Variants in WDR49 observed in about 807,000 individuals in gnomAD.
WDR49 encodes the protein cilia- and flagella-associated protein 337.
A neutral mutation model predicts 119.5 loss-of-function variants in WDR49; 107 were observed. The observed-to-expected ratio is 0.90, with a 90% CI of 0.77 to 1.05. The LOEUF (loss-of-function observed/expected upper bound fraction) is 1.05, where lower values mean the gene tolerates loss of function less well. Ranked by LOEUF, WDR49 falls within the 50% of genes least tolerant of loss-of-function variation. The probability of loss-of-function intolerance (pLI) is 0.00; values close to 1 mark genes in which losing one functional copy is unlikely to be tolerated. For missense variants in WDR49, 1,240 were observed against 1,220.5 expected (o/e 1.02, Z -0.24); for synonymous variants, 425 against 418.8 (o/e 1.01, Z -0.18).
At chr3:167,646,119 G>T (rs1718116552) in intron 2 of WDR49, among the ~76,000 whole-genome samples, 1 of 152,078 alleles carries the variant, frequency 6.6e-6, no homozygotes, top group Non-Finnish European at 1.5e-5. Context: ...GAAACTCTTT[G>T]GGTAATGGCC....
In WDR49 at chr3:167,536,937, T is replaced by G; in HGVS notation, c.1887A>C (p.Lys629Asn). The change falls in exon 11 of 19, where the codon AAA (lysine) becomes AAC (asparagine). Residue 629 changes from lysine to asparagine, a missense_variant. Lys to Asn is a moderately conservative substitution (Grantham distance 94, BLOSUM62 0). Coordinates refer to ENST00000682715, the MANE Select transcript of WDR49 (RefSeq NM_001366157.1). ...TGTCATCATGGTGCTGTATACCTCC[T>G]TTCCATTCTTCAGGCTGGATGAAAA... Reference protein sequence around the residue: ...NQFFIQPEEWKGGIQHHDDIL... With the variant: ...NQFFIQPEEWNGGIQHHDDIL... 6.3e-7 allele frequency: 1 copy of G among 1,590,620 alleles called. No individual in the cohort carries two copies. Among genetic ancestry groups the G allele is most frequent in the South Asian group, 1.1e-5 (1 of 86,966 alleles).
At chr3:167,645,235 G>A (rs1488356423) in intron 2 of WDR49, among the ~76,000 whole-genome samples, 1 of 151,822 alleles carries the variant, frequency 6.6e-6, no homozygotes, top group Non-Finnish European at 1.5e-5. Flanking sequence ...TTTTGAGATT[G>A]AGTTTCGCTC....
At chr3:167,488,385 A>G (rs536057301) in intron 18 of WDR49, among the ~76,000 whole-genome samples, 2 of 152,126 alleles carry the variant, frequency 1.3e-5, no homozygotes, top group African/African-American at 2.4e-5. Context: ...GTCACTATGG[A>G]CTACTAGAAC....
chr3:167,478,794 A>G lies in WDR49; in HGVS notation c.*84T>C. ...AAACTTCCTGAAGTTTAAATATAAA[A>G]TAAAATAAAAGGCAGAATTCTTGAT... On this transcript the variant is annotated 3_prime_UTR_variant, in exon 19 of 19. Transcript: ENST00000682715. 1 of 959,188 alleles carries G rather than the reference A, an allele frequency of 1.0e-6. No individual in the cohort carries two copies. The highest frequency in any genetic ancestry group is 2.6e-5 in the East Asian group (1 of 38,242). The allele number at this position is 959,188 out of a possible 1,614,324, so 59.4% of individuals were successfully genotyped here.
chr3:167,622,933 A>G (rs577144289), intron 3 of WDR49, among the ~76,000 whole-genome samples: 8 of 152,250 alleles, frequency 5.3e-5, no homozygotes, highest in Admixed American at 5.2e-4. Flanking sequence ...TGGGAAATTC[A>G]CAGCTACATG....
Position 167,522,406 on chromosome 3 carries a change from C to G in WDR49, c.2683G>C (p.Glu895Gln). The change falls in exon 16 of 19, where the codon GAA (glutamate) becomes CAA (glutamine). Residue 895 changes from glutamate (E) to glutamine (Q), a missense_variant. Transcript: ENST00000682715. ...TCCTCCTTAGAAAATAAAGAAATTT[C>G]CTTTTGAATCTCACTTTCCACTAAA... is the stretch of plus-strand genomic sequence containing the variant. ...TNLVESEIQK[E>Q]ISLFSKEESC... The G allele has an allele frequency of 6.2e-7, 1 of 1,611,178 alleles. No individual in the cohort carries two copies. Among genetic ancestry groups the G allele is most frequent in the Admixed American group, 1.7e-5 (1 of 59,416 alleles).
At chr3:167,554,958 T>G (rs1359656674) in intron 9 of WDR49, among the ~76,000 whole-genome samples, 160 bp from the exon 10 acceptor site, 1 of 152,214 alleles carries the variant, frequency 6.6e-6, no homozygotes, top group African/African-American at 2.4e-5. Context: ...AATATCTAGT[T>G]GGTCTTCATC....
chr3:167,496,584 T>C (rs1427364512), intron 18 of WDR49, among the ~76,000 whole-genome samples: 1 of 152,142 alleles, frequency 6.6e-6, no homozygotes, highest in African/African-American at 2.4e-5. Flanking sequence ...GCAGTACTTA[T>C]CTCTACCATA....
intron 8 of WDR49, among the ~76,000 whole-genome samples, chr3:167,573,191 G>A (rs930301376): frequency 2.2e-4 from 33 of 152,148 alleles, no homozygotes; most frequent in Non-Finnish European, 2.4e-4. Flanking sequence ...GGAGGCACGT[G>A]CTATTCCCAT....
chr3:167,520,834 C>CT (rs1752408825), intron 16 of WDR49, among the ~76,000 whole-genome samples: 2 of 152,108 alleles, frequency 1.3e-5, no homozygotes, highest in South Asian at 2.1e-4. Context: ...CCAACCATCA[C>CT]TTTAAGATAT....
At chr3:167,509,717 A>C (rs981124079) in intron 16 of WDR49, among the ~76,000 whole-genome samples, 1 of 152,212 alleles carries the variant, frequency 6.6e-6, no homozygotes, top group Non-Finnish European at 1.5e-5. Flanking sequence ...TTATGAATTC[A>C]ATAAGATATT....
intron 9 of WDR49, among the ~76,000 whole-genome samples, chr3:167,558,072 G>C (rs1183615588): frequency 1.3e-5 from 2 of 152,102 alleles, no homozygotes; most frequent in Non-Finnish European, 1.5e-5. Context: ...CAGGAACACA[G>C]TGAGACCCTG....
intron 5 of WDR49, among the ~76,000 whole-genome samples, chr3:167,613,992 T>C (rs1716476894): frequency 6.6e-6 from 1 of 152,016 alleles, no homozygotes; most frequent in Non-Finnish European, 1.5e-5. Context: ...AACTGTTTTG[T>C]ATCTTCTTCT....
At chr3:167,485,649 G>A (rs1750891030) in intron 18 of WDR49, among the ~76,000 whole-genome samples, 1 of 151,964 alleles carries the variant, frequency 6.6e-6, no homozygotes, top group Admixed American at 6.6e-5. Flanking sequence ...AATAGACCAA[G>A]CTGAGGAAAA....
intron 18 of WDR49, among the ~76,000 whole-genome samples, chr3:167,494,412 T>C (rs926681103): frequency 2.0e-5 from 3 of 152,144 alleles, no homozygotes; most frequent in Non-Finnish European, 4.4e-5. Flanking sequence ...AACAGGAATT[T>C]TCTTTCTGGA....
intron 2 of WDR49, among the ~76,000 whole-genome samples, chr3:167,630,885 A>G (rs1323934919): frequency 6.6e-6 from 1 of 152,070 alleles, no homozygotes; most frequent in Non-Finnish European, 1.5e-5. Context: ...CAGCATCACA[A>G]CTCGTGCCTG....
Position 167,549,737 on chromosome 3 carries a change from C to T in WDR49, c.1823+4913G>A, listed in dbSNP as rs1712436150. ...TCAATTTTGGCTTTTGTTGCCATTG[C>T]TTTTGGTGTTTTAGTCATGAAGTCC... On this transcript the variant is annotated intron_variant, in intron 10 of 18. Transcript: ENST00000682715. 3.3e-5 allele frequency among the ~76,000 whole-genome samples: 5 copies of T among 152,086 alleles called. No homozygotes were observed. In the South Asian group the frequency reaches 8.3e-4, roughly 25 times the overall value.
At chr3:167,643,425 T>G (rs1433637022) in intron 2 of WDR49, among the ~76,000 whole-genome samples, 1 of 151,970 alleles carries the variant, frequency 6.6e-6, no homozygotes, top group Non-Finnish European at 1.5e-5. Flanking sequence ...GTTTATGTCA[T>G]GAAAGACAAG....
chr3:167,572,342 G>A (rs998790010), intron 8 of WDR49, among the ~76,000 whole-genome samples: 3 of 152,170 alleles, frequency 2.0e-5, no homozygotes, highest in South Asian at 2.1e-4. Flanking sequence ...TAAAAGTCAC[G>A]GAAATGTTCC....
Sources: gnomAD v4.1 joint callset for allele counts (sites outside exome capture counted in the v4.1 genomes callset) on GRCh38, gnomAD v4.1.1 for gene constraint, MANE v1.5 for transcripts, NCBI Gene and HGNC (gene_info 2026-07-23, HGNC 2026-07-21) for gene names.